The following OPCML variants were observed in gnomAD, a reference collection of about 807,000 sequenced individuals.
OPCML encodes the protein opioid-binding protein/cell adhesion molecule.
OPCML carries 13 observed loss-of-function variants against 37.8 expected under a neutral mutation model. The ratio of observed to expected loss-of-function variants is 0.34; its 90% CI spans 0.22 to 0.55. The LOEUF (loss-of-function observed/expected upper bound fraction) is 0.55, where lower values mean the gene tolerates loss of function less well. OPCML is among the 20% of genes least tolerant of loss of function. The pLI is 0.91. For synonymous variants in OPCML, 176 were observed against 168.8 expected (o/e 1.04, Z -0.33); for missense variants, 341 against 435.6 (o/e 0.78, Z 1.93).
At chr11:133,519,073 C>A (rs1213371186) in intron 1 of OPCML, among the ~76,000 whole-genome samples, 1 of 152,110 alleles carries the variant, frequency 6.6e-6, no homozygotes, top group Non-Finnish European at 1.5e-5. Flanking sequence ...GCACTGTGAG[C>A]TCCCGTTGCG....
rs1193350523 is a variant in OPCML, at chr11:133,419,024, A to AAC, written c.61+113238_61+113239dup. On this transcript the variant is annotated intron_variant, in intron 1 of 7. Transcript: ENST00000524381. Reference sequence around the variant, plus strand: ...ACACACCTATGATTTCATTCCCAATAACACTCCTGTTCCCTAGCCCCCTGC... The same window carrying AAC: ...ACACACCTATGATTTCATTCCCAATAACACACTCCTGTTCCCTAGCCCCCTGC... Among the ~76,000 whole-genome samples the AAC allele has an allele frequency of 3.9e-5, 6 of 152,304 alleles. No individual in the cohort carries two copies. The East Asian group carries it at 1.2e-3, about 29-fold the overall frequency.
intron 2 of OPCML, among the ~76,000 whole-genome samples, chr11:132,675,695 C>G (rs1942672304): frequency 6.6e-6 from 1 of 152,042 alleles, no homozygotes; most frequent in Non-Finnish European, 1.5e-5. Context: ...ATTTACAATA[C>G]AATCAAAATG....
Position 133,205,139 on chromosome 11 carries a change from G to A in OPCML, c.62-262129C>T, listed in dbSNP as rs1026537189. On this transcript the variant is annotated intron_variant, in intron 1 of 7. Coordinates refer to ENST00000524381, the MANE Select transcript of OPCML (RefSeq NM_001012393.5). The surrounding 1 kb of genome is among the most constrained non-coding windows in gnomAD (Gnocchi z 4.8). ...TTCCTGGGAGGGGAGATGAGGTGAA[G>A]GTTGAGTTGCTCACCAATGGCTAAT... 4.6e-5 allele frequency among the ~76,000 whole-genome samples: 7 copies of A among 151,966 alleles called. No homozygotes were observed. Among genetic ancestry groups the A allele is most frequent in the Admixed American group, 4.6e-4 (7 of 15,270 alleles).
intron 2 of OPCML, among the ~76,000 whole-genome samples, chr11:132,893,220 C>T (rs1591764560): frequency 1.3e-5 from 2 of 152,272 alleles, no homozygotes; most frequent in East Asian, 3.9e-4. Context: ...CAAGATCGTG[C>T]CGCTGCACTC....
At chr11:132,604,692 G>GA (rs1198784226) in intron 3 of OPCML, among the ~76,000 whole-genome samples, 3 of 152,154 alleles carry the variant, frequency 2.0e-5, no homozygotes, top group Non-Finnish European at 4.4e-5. Context: ...ACTCAGCCTT[G>GA]AAAAATGCAG....
At chr11:133,204,004 G>A (rs975793522) in intron 1 of OPCML, among the ~76,000 whole-genome samples, 3 of 129,042 alleles carry the variant, frequency 2.3e-5, no homozygotes, top group African/African-American at 9.0e-5. Flanking sequence ...CTTGCATTGA[G>A]CCGAGATCCC....
At chr11:132,857,250 A>G (rs944633194) in intron 2 of OPCML, among the ~76,000 whole-genome samples, 3 of 152,228 alleles carry the variant, frequency 2.0e-5, no homozygotes, top group African/African-American at 7.2e-5. Context: ...AATATTCTTC[A>G]TGTGATTAAT....
intron 3 of OPCML, among the ~76,000 whole-genome samples, chr11:132,595,117 G>T (rs2096490452): frequency 6.6e-6 from 1 of 152,026 alleles, no homozygotes; most frequent in African/African-American, 2.4e-5. Context: ...GACTGTTTTT[G>T]CTGGTGATGA....
At chr11:133,317,826 A>G (rs1234219468) in intron 1 of OPCML, among the ~76,000 whole-genome samples, 1 of 152,228 alleles carries the variant, frequency 6.6e-6, no homozygotes, top group Non-Finnish European at 1.5e-5. Flanking sequence ...ACCTAAGTGT[A>G]CCACCAGTGG....
At chr11:133,371,874 T>C (rs1221633991) in intron 1 of OPCML, among the ~76,000 whole-genome samples, 1 of 152,104 alleles carries the variant, frequency 6.6e-6, no homozygotes, top group Non-Finnish European at 1.5e-5. Flanking sequence ...TTTGCAGCAA[T>C]GTGGATGGAA....
intron 2 of OPCML, among the ~76,000 whole-genome samples, chr11:132,849,720 C>T (rs1286182571): frequency 6.6e-6 from 1 of 152,198 alleles, no homozygotes; most frequent in Non-Finnish European, 1.5e-5. Context: ...AGCAGACACA[C>T]AGCCCTTGAA....
At chr11:133,203,809 A>G (rs113699672) in intron 1 of OPCML, among the ~76,000 whole-genome samples, 4 of 152,278 alleles carry the variant, frequency 2.6e-5, no homozygotes, top group African/African-American at 4.8e-5. Context: ...CTGTAATCCC[A>G]GTACTTTGGG....
At chr11:132,679,679 T>C (rs1011533758) in intron 2 of OPCML, among the ~76,000 whole-genome samples, 2 of 152,204 alleles carry the variant, frequency 1.3e-5, no homozygotes, top group Non-Finnish European at 2.9e-5. Flanking sequence ...ATTGTGTAGA[T>C]AGTTGTACAA....
intron 1 of OPCML, among the ~76,000 whole-genome samples, chr11:132,963,156 C>G (rs1946129308): frequency 6.6e-6 from 1 of 152,144 alleles, no homozygotes; most frequent in South Asian, 2.1e-4. Flanking sequence ...ACTTTAGGAC[C>G]TGGAAAGGGC....
intron 1 of OPCML, among the ~76,000 whole-genome samples, chr11:133,019,668 G>C (rs1049947738): frequency 6.6e-6 from 1 of 152,200 alleles, no homozygotes; most frequent in African/African-American, 2.4e-5. Flanking sequence ...TCAACCCACG[G>C]TGTTCCATGG....
chr11:132,679,321 T>A (rs1012693547), intron 2 of OPCML, among the ~76,000 whole-genome samples: 1 of 152,188 alleles, frequency 6.6e-6, no homozygotes, highest in Non-Finnish European at 1.5e-5. Context: ...TTATTCATTA[T>A]AGACAAAAAG....
At chr11:132,762,979 C>G (rs977656742) in intron 2 of OPCML, among the ~76,000 whole-genome samples, 1 of 152,090 alleles carries the variant, frequency 6.6e-6, no homozygotes, top group Non-Finnish European at 1.5e-5. Flanking sequence ...CTGTGGGTTG[C>G]GAAGAACATG....
chr11:132,754,038 AG>A lies in OPCML; in HGVS notation c.147-96720del, dbSNP rs536021350. ...GCATTCAACCAGCAGGCATCCATTA[AG>A]GTCTACTGTGCCTGGGCTGAGAGTG... On this transcript the variant is annotated intron_variant, in intron 2 of 7. Transcript: ENST00000524381. Among the ~76,000 whole-genome samples the A allele has an allele frequency of 8.5e-5, 13 of 152,348 alleles. No homozygotes were observed. In the South Asian group the frequency reaches 1.0e-3, roughly 12 times the overall value.
intron 1 of OPCML, among the ~76,000 whole-genome samples, chr11:133,441,302 C>G (rs1442034279): frequency 6.6e-6 from 1 of 151,450 alleles, no homozygotes; most frequent in Admixed American, 6.6e-5. Flanking sequence ...TTTATTATCA[C>G]ATGAAAAAAA....
Sources: gnomAD v4.1 joint callset for allele counts (sites outside exome capture counted in the v4.1 genomes callset) on GRCh38, gnomAD v4.1.1 for gene constraint, Gnocchi (gnomAD v3.1) non-coding constraint, MANE v1.5 for transcripts, NCBI Gene and HGNC (gene_info 2026-07-23, HGNC 2026-07-21) for gene names.